The following ARL3 variants were observed in gnomAD, a reference collection of about 807,000 sequenced individuals.
ARL3 encodes the protein ADP-ribosylation factor-like protein 3.
A neutral mutation model predicts 26.0 loss-of-function variants in ARL3; 9 were observed. That is an observed-to-expected ratio of 0.35 (90% confidence interval 0.21 to 0.60). The LOEUF is 0.60. Ranked by LOEUF, ARL3 falls within the 20% of genes least tolerant of loss-of-function variation. The probability of loss-of-function intolerance (pLI) is 0.78; values close to 1 mark genes in which losing one functional copy is unlikely to be tolerated. For missense variants in ARL3, 158 were observed against 215.7 expected (o/e 0.73, Z 1.67); for synonymous variants, 71 against 78.4 (o/e 0.91, Z 0.50).
intron 4 of ARL3, among the ~76,000 whole-genome samples, chr10:102,689,427 G>T (rs182393932): frequency 9.9e-5 from 15 of 152,230 alleles, no homozygotes; most frequent in Admixed American, 6.5e-5. Context: ...GAACTGTAAA[G>T]GTTAACAAAC....
intron 3 of ARL3, 60 bp from the exon 4 acceptor site, chr10:102,690,003 T>C: frequency 8.8e-7 from 1 of 1,137,126 alleles, no homozygotes; most frequent in Non-Finnish European, 1.3e-6. Context: ...CAGGGCAATT[T>C]CTGCAAAAGG....
At chr10:102,707,683 A>G (rs963721393) in intron 1 of ARL3, among the ~76,000 whole-genome samples, 1 of 152,260 alleles carries the variant, frequency 6.6e-6, no homozygotes. Context: ...CATAATTATT[A>G]AGAATTCCTT....
intron 3 of ARL3, among the ~76,000 whole-genome samples, chr10:102,693,397 A>C (rs547215295): frequency 6.6e-6 from 1 of 152,270 alleles, no homozygotes; most frequent in East Asian, 1.9e-4. Flanking sequence ...GTAGGTATTA[A>C]TATGTAGTAC....
At chr10:102,713,483 T>C (rs2136013926) in intron 1 of ARL3, among the ~76,000 whole-genome samples, 1 of 152,304 alleles carries the variant, frequency 6.6e-6, no homozygotes, top group East Asian at 1.9e-4. Flanking sequence ...TTGGTCCTGG[T>C]ATGGTCACAC....
chr10:102,686,945 G>A (rs1245175873), intron 4 of ARL3, among the ~76,000 whole-genome samples: 51 of 126,792 alleles, frequency 4.0e-4, no homozygotes, highest in Non-Finnish European at 6.5e-4. Context: ...GCGCGATCTC[G>A]GCTCACTGCA....
chr10:102,680,534 G>A (rs1413335282), intron 5 of ARL3, among the ~76,000 whole-genome samples: 1 of 152,134 alleles, frequency 6.6e-6, no homozygotes, highest in Non-Finnish European at 1.5e-5. Flanking sequence ...GAAACAGCAG[G>A]CCACCCCTAA....
At chr10:102,713,974 T>G (rs913049142) in intron 1 of ARL3, among the ~76,000 whole-genome samples, 1 of 152,134 alleles carries the variant, frequency 6.6e-6, no homozygotes, top group Non-Finnish European at 1.5e-5. Context: ...CCCTCACCCC[T>G]GTCCCCAGAG....
chr10:102,703,116 G>GTTTTT (rs2064289048), intron 2 of ARL3, among the ~76,000 whole-genome samples: 7 of 115,196 alleles, frequency 6.1e-5, no homozygotes, highest in Admixed American at 1.9e-4. Context: ...ATCAGGTCTT[G>GTTTTT]TCTTTTTTTT....
intron 3 of ARL3, among the ~76,000 whole-genome samples, chr10:102,696,967 T>C (rs770771687): frequency 1.3e-5 from 2 of 152,156 alleles, no homozygotes; most frequent in African/African-American, 2.4e-5. Context: ...CATCATACAG[T>C]GTACTTACAC....
At chr10:102,694,197 G>C (rs1053520669) in intron 3 of ARL3, among the ~76,000 whole-genome samples, 1 of 150,762 alleles carries the variant, frequency 6.6e-6, no homozygotes, top group Non-Finnish European at 1.5e-5. Flanking sequence ...CACCGTGTTA[G>C]CCAGGATGGT....
intron 5 of ARL3, 95 bp from the exon 6 acceptor site, chr10:102,677,036 C>A: frequency 7.1e-7 from 1 of 1,405,248 alleles, no homozygotes; most frequent in Non-Finnish European, 1.0e-6. Context: ...GTCCCAGGCC[C>A]TCCCTCCCAG....
At chr10:102,712,263 C>A (rs1035472986) in intron 1 of ARL3, among the ~76,000 whole-genome samples, 3 of 152,000 alleles carry the variant, frequency 2.0e-5, no homozygotes, top group African/African-American at 7.3e-5. Context: ...CCAAAAAAAC[C>A]TTGGGGTTCA....
chr10:102,683,599 A>G (rs2064166957), intron 5 of ARL3, among the ~76,000 whole-genome samples: 1 of 152,182 alleles, frequency 6.6e-6, no homozygotes, highest in South Asian at 2.1e-4. Flanking sequence ...GAACTTTCTT[A>G]TCAAAATCAA....
At chr10:102,692,999 C>T (rs1184467396) in intron 3 of ARL3, among the ~76,000 whole-genome samples, 2 of 152,186 alleles carry the variant, frequency 1.3e-5, no homozygotes, top group Non-Finnish European at 1.5e-5. Flanking sequence ...CCCGGCCCCT[C>T]TGTGTCTTTT....
At chr10:102,682,673 C>A (rs1211617607) in intron 5 of ARL3, among the ~76,000 whole-genome samples, 1 of 152,200 alleles carries the variant, frequency 6.6e-6, no homozygotes, top group African/African-American at 2.4e-5. Context: ...AACTCGCCCC[C>A]GTGAGGCTAC....
At chr10:102,701,286 C>T (rs1383985114) in intron 2 of ARL3, among the ~76,000 whole-genome samples, 1 of 152,188 alleles carries the variant, frequency 6.6e-6, no homozygotes, top group African/African-American at 2.4e-5. Context: ...GACATTTCAT[C>T]CAGAATAACT....
At chr10:102,688,965 T>C (rs2064202371) in intron 4 of ARL3, among the ~76,000 whole-genome samples, 2 of 152,242 alleles carry the variant, frequency 1.3e-5, no homozygotes, top group Non-Finnish European at 2.9e-5. Flanking sequence ...TTGGGCATGG[T>C]GCTAAGTTCC....
intron 1 of ARL3, among the ~76,000 whole-genome samples, chr10:102,708,622 C>T (rs958138996): frequency 6.6e-6 from 1 of 151,576 alleles, no homozygotes; most frequent in Non-Finnish European, 1.5e-5. Flanking sequence ...TTTGGGAGGC[C>T]GAGGTGGGTG....
At chr10:102,687,738 G>A (rs954692798) in intron 4 of ARL3, among the ~76,000 whole-genome samples, 1 of 151,486 alleles carries the variant, frequency 6.6e-6, no homozygotes. Flanking sequence ...TATTGCCCAC[G>A]CTGGTCTTGA....
Sources: allele counts gnomAD v4.1 joint callset (sites outside exome capture counted in the v4.1 genomes callset), GRCh38; gene constraint gnomAD v4.1.1; transcripts MANE v1.5; gene names NCBI Gene and HGNC (gene_info 2026-07-23, HGNC 2026-07-21).